WDR17: variants seen among roughly 807,000 people sequenced by gnomAD.
WDR17 encodes the protein WD repeat-containing protein 17.
In WDR17, 143 loss-of-function variants were observed where a neutral mutation model predicts 161.7. The ratio of observed to expected loss-of-function variants is 0.88; its 90% CI spans 0.77 to 1.02. The LOEUF is 1.02. Ranked by LOEUF, WDR17 falls within the 50% of genes least tolerant of loss-of-function variation. WDR17 has a pLI of 0.00. For synonymous variants in WDR17, 517 were observed against 515.6 expected, an observed-to-expected ratio of 1.00 and a Z score of -0.04; for missense variants, 1,469 against 1,520.9, an observed-to-expected ratio of 0.97 and a Z score of 0.57.
intron 2 of WDR17, among the ~76,000 whole-genome samples, chr4:176,115,470 T>A (rs917352765): frequency 4.6e-5 from 7 of 151,780 alleles, no homozygotes; most frequent in African/African-American, 9.7e-5. Context: ...AAACCAAGGG[T>A]TTTTTCTTCT....
intron 1 of WDR17, among the ~76,000 whole-genome samples, chr4:176,104,320 T>C (rs1167503409): frequency 2.0e-5 from 3 of 152,030 alleles, no homozygotes; most frequent in Non-Finnish European, 4.4e-5. Flanking sequence ...CAAAGCCATA[T>C]GAAAAAATAA....
intron 27 of WDR17, 105 bp downstream of exon 27, chr4:176,177,261 T>A: frequency 8.8e-7 from 1 of 1,134,204 alleles, no homozygotes. Context: ...GAATAATGAA[T>A]CTTGATTTGT....
intron 3 of WDR17, among the ~76,000 whole-genome samples, chr4:176,119,057 T>C (rs963699541): frequency 1.1e-4 from 16 of 152,260 alleles, no homozygotes; most frequent in South Asian, 2.1e-4. Context: ...ATGATTTTGA[T>C]GCAGCCAGCT....
chr4:176,170,517 GT>G (rs1750570573), intron 23 of WDR17, among the ~76,000 whole-genome samples: 1 of 151,956 alleles, frequency 6.6e-6, no homozygotes, highest in South Asian at 2.1e-4. Context: ...GTTTCACCAT[GT>G]TGGTCAGCCT....
At chr4:176,109,694 A>G (rs1484863875) in intron 1 of WDR17, among the ~76,000 whole-genome samples, 3 of 152,220 alleles carry the variant, frequency 2.0e-5, no homozygotes, top group Non-Finnish European at 4.4e-5. Flanking sequence ...AAATGTAACC[A>G]TTTAAAATTT....
chr4:176,111,832 G>A (rs749037176), intron 2 of WDR17, 129 bp downstream of exon 2: 60 of 951,382 alleles, frequency 6.3e-5, no homozygotes, highest in Admixed American at 1.6e-4. Flanking sequence ...TATTTTTAAA[G>A]TTTTGTGATT....
chr4:176,172,423 C>G lies in WDR17; in HGVS notation c.3151C>G (p.Arg1051Gly). The G allele has an allele frequency of 1.2e-6, 2 of 1,611,158 alleles. No homozygotes were observed. The highest frequency in any genetic ancestry group is 1.7e-6 in the Non-Finnish European group (2 of 1,179,232). ...ATGTATGCAGTTAGCTGAGACAGCCCGTGCAGATGACAATATATTTGAAAC... is the reference window on the plus strand; with the variant it reads ...ATGTATGCAGTTAGCTGAGACAGCCGGTGCAGATGACAATATATTTGAAAC... Reference protein sequence around the residue: ...EECMQLAETARADDNIFETVK... With the variant: ...EECMQLAETAGADDNIFETVK... The change falls in exon 24 of 29, where the codon CGT becomes GGT. Residue 1051 changes from arginine (R) to glycine (G), a missense_variant. Coordinates refer to ENST00000508596, the MANE Select transcript of WDR17 (RefSeq NM_181265.4).
intron 21 of WDR17, among the ~76,000 whole-genome samples, chr4:176,162,881 T>C (rs538273097): frequency 7.9e-5 from 12 of 152,134 alleles, no homozygotes; most frequent in Non-Finnish European, 1.5e-4. Context: ...TATCATAGAG[T>C]GTTATTAATT....
Position 176,177,665 on chromosome 4 carries a change from A to G in WDR17, c.3732+11A>G, listed in dbSNP as rs555824151. 4 of 1,576,530 alleles carry G rather than the reference A, an allele frequency of 2.5e-6. No individual in the cohort carries two copies. The highest frequency in any genetic ancestry group is 3.4e-6 in the Non-Finnish European group (4 of 1,168,864). Reference sequence around the variant, plus strand: ...GGATTAAAAATCCAGGTAAAGCCTAACATCAGACATAACATGTGTATTTCA... The same window carrying G: ...GGATTAAAAATCCAGGTAAAGCCTAGCATCAGACATAACATGTGTATTTCA... On this transcript the variant is annotated intron_variant, in intron 28 of 28. Transcript: ENST00000508596.
intron 22 of WDR17, among the ~76,000 whole-genome samples, chr4:176,167,361 T>C (rs899312678): frequency 2.0e-5 from 3 of 152,160 alleles, no homozygotes; most frequent in Admixed American, 2.0e-4. Flanking sequence ...AAAAACAATA[T>C]CTTGGCCGGG....
intron 23 of WDR17, among the ~76,000 whole-genome samples, chr4:176,171,147 G>T (rs1388741079): frequency 6.6e-6 from 1 of 152,150 alleles, no homozygotes; most frequent in Non-Finnish European, 1.5e-5. Flanking sequence ...CTACCATAAA[G>T]TCAAAACATA....
intron 23 of WDR17, among the ~76,000 whole-genome samples, chr4:176,171,797 CT>C (rs1750771330): frequency 6.6e-6 from 1 of 151,710 alleles, no homozygotes; most frequent in African/African-American, 2.4e-5. Context: ...AGGAATGTGG[CT>C]TTTTATTTTA....
In WDR17 at chr4:176,119,874, T is replaced by C. The variant is rs1741265349; in HGVS notation, c.315T>C (p.Pro105=). The change falls in exon 4 of 29, where the codon CCT becomes CCC. Residue 105 remains proline (P), a synonymous_variant. Transcript: ENST00000508596. ...IAKLDSTKGI[P]ASLSWCWNAE... The stretch of plus-strand genomic sequence containing the variant: ...GTATTTAATGTATTCCAGGGATCCC[T>C]GCTTCTCTTAGTTGGTGCTGGAATG... 3 of 1,613,906 alleles carry C rather than the reference T, an allele frequency of 1.9e-6. No individual in the cohort carries two copies. The highest frequency in any genetic ancestry group is 1.7e-5 in the Admixed American group (1 of 60,006).
chr4:176,142,124 T>C lies in WDR17; in HGVS notation c.1529+55T>C, dbSNP rs556907131. On this transcript the variant is annotated intron_variant, in intron 11 of 28. Transcript: ENST00000508596. ...ATAACTACATTTTGGAAATTTTAAA[T>C]AACCATAAAGTTTAGTGCTATTTCC... 6.2e-6 allele frequency: 9 copies of C among 1,448,204 alleles called. No individual in the cohort carries two copies. In the African/African-American group the frequency reaches 1.1e-4, roughly 18 times the overall value. 89.7% of individuals were successfully genotyped at this position (1,448,204 alleles called of 1,614,324 possible). A position where few individuals can be genotyped will look rare whatever the true frequency, so the allele number is the denominator to read the frequency against.
chr4:176,159,274 T>C (rs146192537), intron 18 of WDR17, among the ~76,000 whole-genome samples: 13 of 15,102 alleles, frequency 8.6e-4, no homozygotes, highest in African/African-American at 2.3e-3. Context: ...CACACACACA[T>C]GCACACACAC....
intron 1 of WDR17, among the ~76,000 whole-genome samples, chr4:176,082,885 C>CA (rs1734934888): frequency 6.6e-6 from 1 of 151,222 alleles, no homozygotes; most frequent in African/African-American, 2.4e-5. Context: ...TAGGCTCATC[C>CA]AAAAATATAC....
chr4:176,140,810 G>A (rs1339394167), intron 10 of WDR17, among the ~76,000 whole-genome samples: 1 of 141,398 alleles, frequency 7.1e-6, no homozygotes, highest in African/African-American at 2.7e-5. Context: ...AACAATATTA[G>A]TGATTTTTTT....
chr4:176,168,632 C>A, intron 22 of WDR17, 40 bp from the exon 23 acceptor site: 1 of 1,609,174 alleles, frequency 6.2e-7, no homozygotes, highest in South Asian at 1.1e-5. Context: ...ATTTTTAAAT[C>A]TTCTCCTCAA....
At chr4:176,105,098 A>G (rs769681581) in intron 1 of WDR17, among the ~76,000 whole-genome samples, 4 of 152,010 alleles carry the variant, frequency 2.6e-5, no homozygotes, top group Non-Finnish European at 5.9e-5. Flanking sequence ...TTAATATTAG[A>G]TGAAATTGAT....
Sources: gnomAD v4.1 joint callset for allele counts (sites outside exome capture counted in the v4.1 genomes callset) on GRCh38, gnomAD v4.1.1 for gene constraint, MANE v1.5 for transcripts, NCBI Gene and HGNC (gene_info 2026-07-23, HGNC 2026-07-21) for gene names.